RTL9: variants seen among roughly 807,000 people sequenced by gnomAD.
RTL9 encodes retrotransposon Gag like 9.
In RTL9, 19 loss-of-function variants were observed where a neutral mutation model predicts 44.7. That is an observed-to-expected ratio of 0.42 (90% CI 0.30 to 0.62). The LOEUF is 0.62. Among genes scored for constraint, RTL9 ranks in the 20% least tolerant of loss-of-function variants. RTL9 has a pLI of 0.16. For synonymous variants in RTL9, 407 were observed against 398.9 expected (o/e 1.02, Z -0.24); for missense variants, 1,105 against 1,080.6 (o/e 1.02, Z -0.32).
chrX:110,367,390 T>G (rs2068304314), intron 1 of RTL9, among the ~76,000 whole-genome samples: 1 of 112,104 alleles, frequency 8.9e-6, no homozygotes, highest in Admixed American at 9.5e-5. Flanking sequence ...ATGATTCATA[T>G]CAAGGTCAAC....
chrX:110,382,900 G>A (rs1169757950), intron 1 of RTL9, among the ~76,000 whole-genome samples: 1 of 111,816 alleles, frequency 8.9e-6, no homozygotes, highest in Non-Finnish European at 1.9e-5. Context: ...CCAGTATTGA[G>A]CTTCCTATAC....
chrX:110,409,252 A>G (rs188424474), intron 1 of RTL9, among the ~76,000 whole-genome samples: 16 of 110,956 alleles, frequency 1.4e-4, no homozygotes, highest in Admixed American at 3.8e-4. Flanking sequence ...TTATCAGAAG[A>G]GAAACCATAG....
At chrX:110,399,948 T>G (rs1326530827) in intron 1 of RTL9, among the ~76,000 whole-genome samples, 1 of 111,715 alleles carries the variant, frequency 9.0e-6, no homozygotes, top group Non-Finnish European at 1.9e-5. Flanking sequence ...TACAACATTT[T>G]AAAGAAATTG....
chrX:110,367,456 G>A (rs1350930311), intron 1 of RTL9, among the ~76,000 whole-genome samples: 5 of 107,988 alleles, frequency 4.6e-5, no homozygotes, highest in East Asian at 2.9e-4. Flanking sequence ...TTTTTTTTTC[G>A]CCCAACAGCG....
intron 1 of RTL9, among the ~76,000 whole-genome samples, chrX:110,392,704 G>A (rs1013599764): frequency 3.6e-5 from 4 of 111,996 alleles, no homozygotes; most frequent in African/African-American, 1.3e-4. Context: ...TGTGCCTAGA[G>A]TATATAGAGG....
At chrX:110,368,510 G>C (rs1230935706) in intron 1 of RTL9, among the ~76,000 whole-genome samples, 6 of 111,954 alleles carry the variant, frequency 5.4e-5, no homozygotes, top group African/African-American at 1.9e-4. Context: ...CTCATAGAGT[G>C]TCATGCTTAT....
chrX:110,425,387 C>G (rs200193998), intron 1 of RTL9, among the ~76,000 whole-genome samples: 2 of 112,797 alleles, frequency 1.8e-5, no homozygotes, highest in East Asian at 5.6e-4. Context: ...GCACAACCCA[C>G]CTAGAGACAG....
chrX:110,378,603 T>A (rs181327783), intron 1 of RTL9, among the ~76,000 whole-genome samples: 95 of 112,449 alleles, frequency 8.4e-4, no homozygotes, highest in Non-Finnish European at 1.5e-3. Context: ...CTTTAGCTTT[T>A]GCCAAACTAC....
At chrX:110,454,349 G>A in exon 1 of RTL9, 1 of 1,212,085 alleles carries the variant, frequency 8.3e-7, no homozygotes, top group Non-Finnish European at 1.1e-6. Context: ...ATCCCAAACA[G>A]GGCCAAAAGT....
In RTL9 at chrX:110,451,057, AT is replaced by A; in HGVS notation, c.444del (p.Phe148LeufsTer8). Reference sequence around the variant, plus strand: ...TCCCCAGGGATGATGACAATTCCTGATTTTGGAACGATGTCCGCAACGCTAA... The same window carrying A: ...TCCCCAGGGATGATGACAATTCCTGATTTGGAACGATGTCCGCAACGCTAA... On this transcript the variant is annotated frameshift_variant, in exon 1 of 2. Transcript: ENST00000540313. LOFTEE classifies it high-confidence loss of function. 8.3e-7 allele frequency: 1 copy of A among 1,211,732 alleles called. No individual in the cohort carries two copies. The highest frequency in any genetic ancestry group is 1.1e-6 in the Non-Finnish European group (1 of 895,498).
At chrX:110,436,805 A>G (rs1318989862) in intron 1 of RTL9, among the ~76,000 whole-genome samples, 1 of 112,063 alleles carries the variant, frequency 8.9e-6, no homozygotes, top group Non-Finnish European at 1.9e-5. Flanking sequence ...TTGGAGGAGG[A>G]GAGCAGCTAT....
At chrX:110,441,356 A>G (rs939469130) in intron 1 of RTL9, among the ~76,000 whole-genome samples, 2 of 112,082 alleles carry the variant, frequency 1.8e-5, no homozygotes, top group African/African-American at 6.5e-5. Context: ...CCACATGCCT[A>G]TGGCGAGCCC....
chrX:110,362,142 A>AAT (rs1335591083), intron 1 of RTL9, among the ~76,000 whole-genome samples: 104 of 111,366 alleles, frequency 9.3e-4, no homozygotes, highest in Non-Finnish European at 6.0e-4. Flanking sequence ...TGGAATAAAA[A>AAT]ATATATATAT....
chrX:110,409,151 G>A (rs984456930), intron 1 of RTL9, among the ~76,000 whole-genome samples: 4 of 111,281 alleles, frequency 3.6e-5, no homozygotes, highest in African/African-American at 1.3e-4. Flanking sequence ...ATGTAGGTCA[G>A]CATAGTCGGG....
At chrX:110,383,373 G>A (rs1015119371) in intron 1 of RTL9, among the ~76,000 whole-genome samples, 1 of 111,309 alleles carries the variant, frequency 9.0e-6, no homozygotes, top group Non-Finnish European at 1.9e-5. Context: ...GAGAGGAAAG[G>A]GGCCTTTTTC....
chrX:110,453,524 C>A (rs2068960231), exon 1 of RTL9: 1 of 1,210,556 alleles, frequency 8.3e-7, no homozygotes, highest in South Asian at 1.8e-5. Context: ...TAATGTCAGC[C>A]ATGGCTTCTG....
upstream of RTL9, among the ~76,000 whole-genome samples, chrX:110,446,044 C>A (rs1569432089): frequency 9.0e-6 from 1 of 111,662 alleles, no homozygotes; most frequent in East Asian, 2.8e-4. Flanking sequence ...CTGGGGTGAC[C>A]AGTGCTAGCA....
intron 1 of RTL9, among the ~76,000 whole-genome samples, chrX:110,383,288 G>T (rs952221668): frequency 9.0e-6 from 1 of 110,916 alleles, no homozygotes; most frequent in Admixed American, 9.6e-5. Flanking sequence ...CCTTTCCAAA[G>T]AGTATAAACT....
chrX:110,384,735 G>A (rs897671677), intron 1 of RTL9, among the ~76,000 whole-genome samples: 1 of 110,669 alleles, frequency 9.0e-6, no homozygotes, highest in Non-Finnish European at 1.9e-5. Flanking sequence ...CACTATAAGA[G>A]CTTTTCTGTA....
Sources: gnomAD v4.1 joint callset for allele counts (sites outside exome capture counted in the v4.1 genomes callset) on GRCh38, gnomAD v4.1.1 for gene constraint, MANE v1.5 for transcripts, NCBI Gene and HGNC (gene_info 2026-07-23, HGNC 2026-07-21) for gene names.